The following CHMP4B variants were observed in gnomAD, a reference collection of about 807,000 sequenced individuals.
CHMP4B encodes SNF7 homolog associated with Alix 1.
CHMP4B carries 1 observed loss-of-function variant against 25.1 expected under a neutral mutation model. The ratio of observed to expected loss-of-function variants is 0.04; its 90% CI spans 0.01 to 0.19. CHMP4B has a LOEUF of 0.19. Ranked by LOEUF, CHMP4B falls within the 10% of genes least tolerant of loss-of-function variation. CHMP4B has a pLI of 1.00. For missense variants in CHMP4B, 151 were observed against 289.7 expected (o/e 0.52, Z 3.48); for synonymous variants, 101 against 115.6 (o/e 0.87, Z 0.81).
Position 33,851,007 on chromosome 20 carries a change from G to A in CHMP4B, c.424G>A (p.Ala142Thr). The change falls in exon 3 of 5, where the codon GCA (alanine) becomes ACA (threonine). Residue 142 changes from alanine (A) to threonine (T), a missense_variant. Ala to Thr is a moderately conservative substitution (Grantham distance 58). Coordinates refer to ENST00000217402, the MANE Select transcript of CHMP4B (RefSeq NM_176812.5). ...GGACATTGCTGACCAGCAAGAACTTGCAGAGGAGATTTCAACAGCAATTTC... is the reference window on the plus strand; with the variant it reads ...GGACATTGCTGACCAGCAAGAACTTACAGAGGAGATTTCAACAGCAATTTC... ...MQDIADQQELAEEISTAISKP... is the reference protein window; with the variant it reads ...MQDIADQQELTEEISTAISKP... The A allele has an allele frequency of 6.2e-7, 1 of 1,614,218 alleles. No homozygotes were observed. Among genetic ancestry groups the A allele is most frequent in the Non-Finnish European group, 8.5e-7 (1 of 1,179,998 alleles).
chr20:33,811,756 G>C (rs965919084), intron 1 of CHMP4B, 98 bp downstream of exon 1: 38 of 1,285,724 alleles, frequency 3.0e-5, no homozygotes, highest in Non-Finnish European at 4.0e-5. Flanking sequence ...GGTCTGGTCT[G>C]ACCCTGGAAC....
In CHMP4B at chr20:33,832,775, A is replaced by ATTT. The variant is rs35940987; in HGVS notation, c.191-15676_191-15674dup. Among the ~76,000 whole-genome samples, 319 of 138,232 alleles carry ATTT rather than the reference A, an allele frequency of 2.3e-3. 4 individuals are homozygous for ATTT. In the East Asian group the frequency reaches 0.026, roughly 11 times the overall value. The allele number at this position is 138,232 out of a possible 152,430, so 90.7% of individuals were successfully genotyped here. A position where few individuals can be genotyped will look rare whatever the true frequency, so the allele number is the denominator to read the frequency against. ...GCTCTTTATAGTTTTACAATAAATGATTTTTTTTTTTTTTTTTTAAAGAGA... is the reference window on the plus strand; with the variant it reads ...GCTCTTTATAGTTTTACAATAAATGATTTTTTTTTTTTTTTTTTTTTAAAGAGA... On this transcript the variant is annotated intron_variant, in intron 1 of 4. Transcript: ENST00000217402.
chr20:33,811,427 A>G lies in CHMP4B; in HGVS notation c.-42A>G. ...ACCCGAGCCGAGCCGAGCCGAGCCG[A>G]GCCGGAGCGGGCGGCGAAGGCCGGC... On this transcript the variant is annotated 5_prime_UTR_variant, in exon 1 of 5. Transcript: ENST00000217402. 6.9e-7 allele frequency: 1 copy of G among 1,455,136 alleles called. No individual in the cohort carries two copies. Among genetic ancestry groups the G allele is most frequent in the Non-Finnish European group, 9.1e-7 (1 of 1,103,218 alleles). 90.1% of individuals were successfully genotyped at this position (1,455,136 alleles called of 1,614,324 possible).
At chr20:33,818,883 G>A (rs888097603) in intron 1 of CHMP4B, among the ~76,000 whole-genome samples, 3 of 152,042 alleles carry the variant, frequency 2.0e-5, no homozygotes, top group Non-Finnish European at 4.4e-5. Flanking sequence ...TCCTTTGGAT[G>A]TGCTCCTGTT....
intron 1 of CHMP4B, among the ~76,000 whole-genome samples, chr20:33,834,460 C>A (rs189510059): frequency 9.9e-5 from 15 of 152,038 alleles, no homozygotes; most frequent in African/African-American, 3.6e-4. Flanking sequence ...AGTACAGGTG[C>A]CTGCCACCGA....
intron 1 of CHMP4B, among the ~76,000 whole-genome samples, chr20:33,843,466 T>C (rs553188838): frequency 2.0e-5 from 3 of 152,364 alleles, no homozygotes; most frequent in South Asian, 4.1e-4. Flanking sequence ...TGGGTTTCTT[T>C]AGACACCTCT....
At chr20:33,823,312 C>G (rs1038989933) in intron 1 of CHMP4B, among the ~76,000 whole-genome samples, 3 of 152,066 alleles carry the variant, frequency 2.0e-5, no homozygotes, top group African/African-American at 7.2e-5. Flanking sequence ...ATATGAGTCA[C>G]TGGGCAGATC....
chr20:33,830,933 G>GTTGTTTTTTTTTTT (rs746793442), intron 1 of CHMP4B, among the ~76,000 whole-genome samples: 3 of 102,522 alleles, frequency 2.9e-5, no homozygotes, highest in Admixed American at 1.2e-4. Context: ...AAGGAACAGA[G>GTTGTTTTTTTTTTT]TTTTTTTTTT....
intron 1 of CHMP4B, among the ~76,000 whole-genome samples, chr20:33,819,389 C>T (rs6059476): frequency 0.038 from 5,817 of 152,204 alleles, 364 homozygotes; most frequent in African/African-American, 0.13. Flanking sequence ...GAAAAGTGAT[C>T]GTATTTTCCT....
chr20:33,846,720 G>C (rs553822559), intron 1 of CHMP4B, among the ~76,000 whole-genome samples: 3 of 152,292 alleles, frequency 2.0e-5, no homozygotes, highest in East Asian at 3.9e-4. Flanking sequence ...ACAGCCTCAT[G>C]GGGGAGGGGG....
At chr20:33,850,303 G>A (rs1396050858) in intron 2 of CHMP4B, among the ~76,000 whole-genome samples, 1 of 152,190 alleles carries the variant, frequency 6.6e-6, no homozygotes, top group Admixed American at 6.5e-5. Context: ...GTCTGAGGGT[G>A]GATGTTCATT....
rs1431571853 is a variant in CHMP4B, at chr20:33,848,660, C to T, written c.368+16C>T. On this transcript the variant is annotated intron_variant, in intron 2 of 4. Transcript: ENST00000217402. ...ATGACAACATGTACGTGTCCACCCG[C>T]CCCTGCGCCACAGGGCAGTGCTAGT... 1.2e-6 allele frequency: 2 copies of T among 1,614,006 alleles called. No homozygotes were observed. The highest frequency in any genetic ancestry group is 1.7e-6 in the Non-Finnish European group (2 of 1,179,910).
intron 1 of CHMP4B, among the ~76,000 whole-genome samples, chr20:33,829,469 G>T (rs1047681291): frequency 3.3e-5 from 5 of 152,174 alleles, no homozygotes; most frequent in African/African-American, 1.2e-4. Context: ...TAGGCTCTAA[G>T]GAACTGATTT....
At chr20:33,829,715 G>T (rs764441008) in intron 1 of CHMP4B, among the ~76,000 whole-genome samples, 26 of 152,216 alleles carry the variant, frequency 1.7e-4, no homozygotes, top group Non-Finnish European at 3.5e-4. Flanking sequence ...AAAGGAGGAG[G>T]CTGTATCCAG....
intron 1 of CHMP4B, among the ~76,000 whole-genome samples, chr20:33,819,294 C>G (rs548254939): frequency 2.0e-5 from 3 of 152,352 alleles, no homozygotes; most frequent in African/African-American, 7.2e-5. Context: ...AACCCTAGAA[C>G]AGGCAGGGCC....
At chr20:33,820,989 G>A (rs1978923680) in intron 1 of CHMP4B, among the ~76,000 whole-genome samples, 1 of 152,218 alleles carries the variant, frequency 6.6e-6, no homozygotes, top group Non-Finnish European at 1.5e-5. Context: ...TAATTATTCA[G>A]TTAATGATTC....
At chr20:33,831,963 G>A (rs1979264955) in intron 1 of CHMP4B, among the ~76,000 whole-genome samples, 1 of 152,126 alleles carries the variant, frequency 6.6e-6, no homozygotes, top group Non-Finnish European at 1.5e-5. Context: ...TTCACCCCTT[G>A]CTGCCTCCTG....
intron 1 of CHMP4B, among the ~76,000 whole-genome samples, chr20:33,832,449 T>C (rs1979278394): frequency 6.6e-6 from 1 of 152,206 alleles, no homozygotes; most frequent in Non-Finnish European, 1.5e-5. Flanking sequence ...AAAGCGCCAG[T>C]GCCAGTCATA....
At chr20:33,840,774 A>G (rs1979518972) in intron 1 of CHMP4B, among the ~76,000 whole-genome samples, 1 of 152,202 alleles carries the variant, frequency 6.6e-6, no homozygotes, top group South Asian at 2.1e-4. Context: ...GAAGTCCTGC[A>G]GTAAGTAATA....
Sources: allele counts gnomAD v4.1 joint callset (sites outside exome capture counted in the v4.1 genomes callset), GRCh38; gene constraint gnomAD v4.1.1; transcripts MANE v1.5; gene names NCBI Gene and HGNC (gene_info 2026-07-23, HGNC 2026-07-21).